DYNC1I2: variants seen among roughly 807,000 people sequenced by gnomAD.
The protein encoded by DYNC1I2 is cytoplasmic dynein 1 intermediate chain 2.
A neutral mutation model predicts 88.6 loss-of-function variants in DYNC1I2; 53 were observed. The observed-to-expected ratio is 0.60, with a 90% CI of 0.48 to 0.75. The LOEUF (loss-of-function observed/expected upper bound fraction) is 0.75. Ranked by LOEUF, DYNC1I2 falls within the 30% of genes least tolerant of loss-of-function variation. DYNC1I2 has a pLI of 0.00. For synonymous variants in DYNC1I2, 198 were observed against 254.6 expected (o/e 0.78, Z 2.12); for missense variants, 458 against 766.6 (o/e 0.60, Z 4.75).
At position 171,695,085 on chromosome 2, in the gene DYNC1I2, T is replaced by G. The variant is rs549613780; in HGVS notation, c.226+2191T>G. Among the ~76,000 whole-genome samples the G allele has an allele frequency of 9.2e-5, 14 of 152,016 alleles. No homozygotes were observed. The East Asian group carries it at 2.3e-3, about 25-fold the overall frequency. On this transcript the variant is annotated intron_variant, in intron 3 of 17. Coordinates refer to ENST00000397119, the MANE Select transcript of DYNC1I2 (RefSeq NM_001378.3). ...AAGTGACCACTTTTGCAGTTTTTGT[T>G]TGTTTATTTGTTTGGTTTTTGGTTT...
intron 16 of DYNC1I2, 120 bp from the exon 17 acceptor site, chr2:171,745,682 A>T: frequency 9.5e-7 from 1 of 1,056,468 alleles, no homozygotes; most frequent in Non-Finnish European, 1.4e-6. Context: ...GGAAATTCTT[A>T]CCTGTTTTCA....
intron 14 of DYNC1I2, among the ~76,000 whole-genome samples, 152 bp downstream of exon 14, chr2:171,729,002 C>T (rs753545244): frequency 1.3e-5 from 2 of 152,022 alleles, no homozygotes; most frequent in Non-Finnish European, 2.9e-5. Context: ...AAACTTAATA[C>T]CTTTTTGTAT....
chr2:171,722,020 T>C (rs1396435992), intron 7 of DYNC1I2, among the ~76,000 whole-genome samples: 1 of 152,160 alleles, frequency 6.6e-6, no homozygotes, highest in Non-Finnish European at 1.5e-5. Flanking sequence ...TTAGCTTATC[T>C]TAAATGTATC....
At chr2:171,707,116 C>T (rs906113478) in intron 4 of DYNC1I2, 171 bp from the exon 5 acceptor site, 45 of 897,624 alleles carry the variant, frequency 5.0e-5, no homozygotes, top group Non-Finnish European at 7.5e-5. Context: ...AACTTTTTGT[C>T]TTTTCCCCTT....
At chr2:171,725,832 A>G (rs1195917875) in intron 8 of DYNC1I2, 87 bp from the exon 9 acceptor site, 4 of 1,325,576 alleles carry the variant, frequency 3.0e-6, no homozygotes, top group East Asian at 2.4e-5. Context: ...TTGAAAAATA[A>G]TAACATACAT....
intron 2 of DYNC1I2, among the ~76,000 whole-genome samples, chr2:171,690,938 G>A (rs1031686414): frequency 3.3e-5 from 5 of 152,024 alleles, no homozygotes; most frequent in Admixed American, 1.3e-4. Flanking sequence ...TTACAGGCAC[G>A]AGCCACCACA....
At chr2:171,712,468 A>G (rs1687191223) in intron 5 of DYNC1I2, 3 of 264,432 alleles carry the variant, frequency 1.1e-5, no homozygotes, top group Non-Finnish European at 1.4e-5. Context: ...TAGTTGTTCT[A>G]AAGCAGATCT....
At chr2:171,735,929 G>A (rs1023000956) in intron 15 of DYNC1I2, among the ~76,000 whole-genome samples, 2 of 152,174 alleles carry the variant, frequency 1.3e-5, no homozygotes, top group Admixed American at 1.3e-4. Context: ...ATAAAATGAC[G>A]AAGTTAAGAT....
At chr2:171,687,784 G>T (rs1263246674) in intron 1 of DYNC1I2, 157 bp downstream of exon 1, 1 of 152,750 alleles carries the variant, frequency 6.5e-6, no homozygotes, top group Admixed American at 6.5e-5. Context: ...GGAGCTGGTG[G>T]TGGCTACAGT....
chr2:171,739,016 T>C (rs1006914420), intron 15 of DYNC1I2, among the ~76,000 whole-genome samples: 1 of 150,414 alleles, frequency 6.6e-6, no homozygotes, highest in African/African-American at 2.5e-5. Context: ...TGTGTGGTGG[T>C]GCATGCCTGT....
At position 171,707,382 on chromosome 2, in the gene DYNC1I2, A is replaced by G. The variant is rs1360427262; in HGVS notation, c.335+5A>G. Reference sequence around the variant, plus strand: ...AGATGGCGCCGTGGGATCTAGGTACAGTAATTTTCCTTTTAATGTTTTAAT... The same window carrying G: ...AGATGGCGCCGTGGGATCTAGGTACGGTAATTTTCCTTTTAATGTTTTAAT... On this transcript the variant is annotated splice_donor_5th_base_variant and intron_variant, in intron 5 of 17. Coordinates refer to ENST00000397119, the MANE Select transcript of DYNC1I2 (RefSeq NM_001378.3). 3.1e-6 allele frequency: 5 copies of G among 1,604,292 alleles called. No individual in the cohort carries two copies. The African/African-American group carries it at 6.7e-5, about 22-fold the overall frequency.
At chr2:171,726,467 AG>A (rs564811523) in intron 10 of DYNC1I2, 174 bp downstream of exon 10, 6,936 of 575,266 alleles carry the variant, frequency 0.012, 60 homozygotes, top group Non-Finnish European at 0.017. Context: ...AAGAAAGATT[AG>A]AAGCATTATT....
At chr2:171,724,145 G>A (rs1421071296) in intron 7 of DYNC1I2, among the ~76,000 whole-genome samples, 4 of 152,150 alleles carry the variant, frequency 2.6e-5, no homozygotes, top group Non-Finnish European at 5.9e-5. Flanking sequence ...TGTAGGATTG[G>A]CATACGTCAT....
At chr2:171,726,515 T>C (rs1688266940) in intron 10 of DYNC1I2, 1 of 545,974 alleles carries the variant, frequency 1.8e-6, no homozygotes, top group African/African-American at 1.9e-5. Flanking sequence ...TACAGGCCAG[T>C]TTTACTAATT....
At chr2:171,702,754 ACT>A (rs1222140918) in intron 3 of DYNC1I2, among the ~76,000 whole-genome samples, 2 of 150,740 alleles carry the variant, frequency 1.3e-5, no homozygotes, top group African/African-American at 2.4e-5. Flanking sequence ...AAACAGTCTC[ACT>A]CTGTTGTTCA....
At chr2:171,718,026 A>G (rs1203532519) in intron 7 of DYNC1I2, among the ~76,000 whole-genome samples, 4 of 144,804 alleles carry the variant, frequency 2.8e-5, no homozygotes, top group Non-Finnish European at 4.5e-5. Flanking sequence ...GTGCCATCGT[A>G]GCTCACTGCA....
intron 7 of DYNC1I2, among the ~76,000 whole-genome samples, chr2:171,717,436 G>A (rs1353707878): frequency 6.6e-6 from 1 of 151,868 alleles, no homozygotes; most frequent in Non-Finnish European, 1.5e-5. Context: ...CTTTTTACTT[G>A]ACCATGTAGA....
chr2:171,694,617 A>G (rs555706952), intron 3 of DYNC1I2, among the ~76,000 whole-genome samples: 11 of 152,220 alleles, frequency 7.2e-5, no homozygotes, highest in African/African-American at 1.9e-4. Context: ...AGATCTGGCT[A>G]TTGCACTCCA....
chr2:171,706,589 C>G (rs1356430906), intron 4 of DYNC1I2, 25 bp downstream of exon 4: 6 of 1,607,134 alleles, frequency 3.7e-6, no homozygotes, highest in Non-Finnish European at 4.3e-6. Context: ...ATAAGTCTTG[C>G]CTTGTTTATT....
Sources: allele counts gnomAD v4.1 joint callset (sites outside exome capture counted in the v4.1 genomes callset), GRCh38; gene constraint gnomAD v4.1.1; transcripts MANE v1.5; gene names NCBI Gene and HGNC (gene_info 2026-07-23, HGNC 2026-07-21).